POLR2F: variants seen among roughly 807,000 people sequenced by gnomAD.
POLR2F encodes the protein DNA-directed RNA polymerases I, II, and III subunit RPABC2.
In POLR2F, 12 loss-of-function variants were observed where a neutral mutation model predicts 22.7. The ratio of observed to expected loss-of-function variants is 0.53; its 90% CI spans 0.34 to 0.86. POLR2F has a LOEUF of 0.86. POLR2F is among the 40% of genes least tolerant of loss of function. The pLI is 0.02. For missense variants in POLR2F, 126 were observed against 171.5 expected (o/e 0.73, Z 1.48); for synonymous variants, 57 against 66.0 (o/e 0.86, Z 0.66).
chr22:38,018,849 G>A (rs563225369), intron 1 of POLR2F, among the ~76,000 whole-genome samples: 16 of 152,172 alleles, frequency 1.1e-4, no homozygotes, highest in Non-Finnish European at 2.4e-4. Flanking sequence ...AGTGTGTGGT[G>A]CGGGAGAGCT....
intron 1 of POLR2F, among the ~76,000 whole-genome samples, chr22:37,995,695 A>G (rs1193123993): frequency 6.6e-6 from 1 of 152,116 alleles, no homozygotes; most frequent in African/African-American, 2.4e-5. Flanking sequence ...TGGGAGAGGC[A>G]GGTACAGTGG....
chr22:38,016,779 C>T lies in POLR2F; in HGVS notation c.121-9090C>T, dbSNP rs1350104474. 2.0e-5 allele frequency among the ~76,000 whole-genome samples: 3 copies of T among 151,866 alleles called. No homozygotes were observed. Among genetic ancestry groups the T allele is most frequent in the African/African-American group, 4.8e-5 (2 of 41,350 alleles). On this transcript the variant is annotated intron_variant, in intron 1 of 2. Transcript: ENST00000333418. The surrounding 1 kb of genome is among the most constrained non-coding windows in gnomAD (Gnocchi z 4.4). ...CCGCCGTCAATGCCCGCATTGTCCC[C>T]GCGCTTTTTGTTTCTACTGTAATGA...
rs2145768559 is a variant in POLR2F at position 37,978,088 on chromosome 22, C to T, written c.293+10918C>T. 1 of 1,596,464 alleles carries T rather than the reference C, an allele frequency of 6.3e-7. No homozygotes were observed. The highest frequency in any genetic ancestry group is 8.5e-7 in the Non-Finnish European group (1 of 1,170,060). On this transcript the variant is annotated intron_variant, in intron 4 of 4. Transcript: ENST00000405557. This position sits in a 1 kb window ranked among gnomAD's most constrained non-coding sequence, Gnocchi z 5.0. ...GTCTTTCTTGTGCTGCATACGGAGC[C>T]GCTCAGCCTCCTCGATGAAGGGGCG...
downstream of POLR2F, chr22:37,973,644 C>T (rs370951969): frequency 9.9e-6 from 16 of 1,613,626 alleles, no homozygotes; most frequent in Non-Finnish European, 1.4e-5. Context: ...AGGCCAGAGG[C>T]CTGGCCCGAG....
chr22:38,008,654 C>G (rs2084844734), intron 1 of POLR2F, among the ~76,000 whole-genome samples: 1 of 151,840 alleles, frequency 6.6e-6, no homozygotes, highest in South Asian at 2.1e-4. Context: ...GGTGGGTCAC[C>G]TGAGGTCAGG....
downstream of POLR2F, among the ~76,000 whole-genome samples, chr22:38,031,261 T>TA (rs919101339): frequency 7.9e-5 from 12 of 152,096 alleles, no homozygotes; most frequent in African/African-American, 2.7e-4. This position sits in a 1 kb window ranked among gnomAD's most constrained non-coding sequence, Gnocchi z 4.1. Context: ...CGGACAGTAA[T>TA]ACCACAGAGC....
rs576483607 is a variant in POLR2F at position 37,956,100 on chromosome 22, G to C, written c.21-673G>C. ...TTTTTTGTTTTGCGGTGGCGGGGGG[G>C]GGTTTTGAGACGGAGTTTCACTCTT... On this transcript the variant is annotated intron_variant, in intron 1 of 4. Transcript: ENST00000442738. 1.5e-4 allele frequency among the ~76,000 whole-genome samples: 22 copies of C among 151,128 alleles called. 1 individual carries two copies. In the East Asian group the frequency reaches 2.2e-3, roughly 15 times the overall value.
chr22:37,957,977 T>TTTG (rs887172412), intron 2 of POLR2F, among the ~76,000 whole-genome samples: 22 of 152,164 alleles, frequency 1.4e-4, no homozygotes, highest in Non-Finnish European at 2.2e-4. Context: ...CTTTCTGTTT[T>TTTG]TTGTTGTTGT....
At chr22:37,973,519 T>C (rs1302550669), downstream of POLR2F, 19 of 1,608,860 alleles carry the variant, frequency 1.2e-5, no homozygotes, top group Non-Finnish European at 1.5e-5. Flanking sequence ...GTGTCGTATA[T>C]ACTGGCTGCT....
At chr22:38,003,613 C>G (rs923350212) in intron 1 of POLR2F, among the ~76,000 whole-genome samples, 8 of 150,916 alleles carry the variant, frequency 5.3e-5, no homozygotes, top group Admixed American at 5.3e-4. Context: ...GAGTCTCACT[C>G]TTGTCACCAC....
At chr22:38,020,496 C>G (rs2084952306) in intron 1 of POLR2F, among the ~76,000 whole-genome samples, 1 of 147,032 alleles carries the variant, frequency 6.8e-6, no homozygotes, top group Non-Finnish European at 1.5e-5. Flanking sequence ...CCAGGCTGGT[C>G]TCAAACTCCT....
At chr22:37,959,602 G>A (rs780179493) in intron 3 of POLR2F, 126 bp downstream of exon 3, 25 of 1,066,002 alleles carry the variant, frequency 2.3e-5, no homozygotes, top group Middle Eastern at 2.9e-4. Flanking sequence ...AAGTGGTGCC[G>A]TCCCTGCGTA....
intron 1 of POLR2F, among the ~76,000 whole-genome samples, chr22:38,011,153 GT>G (rs1263806933): frequency 4.6e-5 from 7 of 152,262 alleles, no homozygotes; most frequent in South Asian, 4.1e-4. Context: ...TCAGGCTGGA[GT>G]GCAGTGGAAT....
chr22:38,012,393 T>C (rs888846830), intron 1 of POLR2F, among the ~76,000 whole-genome samples: 1 of 152,188 alleles, frequency 6.6e-6, no homozygotes, highest in Non-Finnish European at 1.5e-5. Flanking sequence ...GTTTTTACTT[T>C]TTAGTTTGAA....
chr22:37,982,304 C>G (rs1004478080), upstream of POLR2F, among the ~76,000 whole-genome samples: 1 of 152,166 alleles, frequency 6.6e-6, no homozygotes, highest in Non-Finnish European at 1.5e-5. Context: ...GGGCCTGTCT[C>G]TTGGTCAGTC....
upstream of POLR2F, among the ~76,000 whole-genome samples, chr22:37,982,141 C>G (rs987057709): frequency 1.3e-5 from 2 of 152,172 alleles, no homozygotes; most frequent in African/African-American, 4.8e-5. Flanking sequence ...TTGCTTCCCC[C>G]CAACCTCCTG....
upstream of POLR2F, chr22:37,986,122 AAC>A (rs146622008): frequency 2.0e-4 from 291 of 1,480,700 alleles, no homozygotes; most frequent in Middle Eastern, 1.0e-3. The surrounding 1 kb of genome is among the most constrained non-coding windows in gnomAD (Gnocchi z 4.7). Context: ...TCATGTGATT[AAC>A]ACACACACAC....
rs1284538512 is a variant in POLR2F at position 38,033,888 on chromosome 22, A to G, written c.453-7180A>G. Among the ~76,000 whole-genome samples, 4 of 151,452 alleles carry G rather than the reference A, an allele frequency of 2.6e-5. No individual in the cohort carries two copies. The East Asian group carries it at 7.8e-4, about 30-fold the overall frequency. ...GTGACGTGGACGAGGGCACTGGGCG[A>G]CTCCTCATGACCCATGCTGACTCTA... On this transcript the variant is annotated intron_variant, in intron 5 of 5. Transcript: ENST00000407936.
rs537516878 is a variant in POLR2F at position 38,018,867 on chromosome 22, C to T, written c.121-7002C>T. 9.7e-4 allele frequency among the ~76,000 whole-genome samples: 147 copies of T among 152,252 alleles called. 1 individual carries two copies. Among genetic ancestry groups the T allele is most frequent in the African/African-American group, 3.5e-3 (145 of 41,542 alleles). The stretch of plus-strand genomic sequence containing the variant: ...GTGTGGTGCGGGAGAGCTGGGGAGG[C>T]TGGGGTCAGATTCAGGGAAGAGATT... On this transcript the variant is annotated intron_variant, in intron 1 of 2. Coordinates refer to the POLR2F transcript ENST00000333418.
Sources: allele counts gnomAD v4.1 joint callset (sites outside exome capture counted in the v4.1 genomes callset), GRCh38; gene constraint gnomAD v4.1.1; non-coding constraint Gnocchi (gnomAD v3.1); transcripts MANE v1.5; gene names NCBI Gene and HGNC (gene_info 2026-07-23, HGNC 2026-07-21).